SCARA5: variants seen among roughly 807,000 people sequenced by gnomAD.
SCARA5 encodes scavenger receptor class A, member 5 (putative).
In SCARA5, 45 loss-of-function variants were observed where a neutral mutation model predicts 46.3. The ratio of observed to expected loss-of-function variants is 0.97; its 90% CI spans 0.76 to 1.24. The LOEUF (loss-of-function observed/expected upper bound fraction) is 1.24, where lower values mean the gene tolerates loss of function less well. SCARA5 is among the 50% of genes most tolerant of loss of function. The pLI is 0.00. For missense variants in SCARA5, 680 were observed against 689.0 expected (o/e 0.99, Z 0.15); for synonymous variants, 333 against 306.5 (o/e 1.09, Z -0.90).
chr8:27,984,323 C>G (rs67834415), intron 2 of SCARA5, among the ~76,000 whole-genome samples: 27,317 of 152,194 alleles, frequency 0.18, 2,567 homozygotes, highest in East Asian at 0.36. Context: ...CTGGCTTCAT[C>G]TCAACACTCT....
chr8:27,940,392 T>C (rs1170939310), intron 3 of SCARA5, among the ~76,000 whole-genome samples: 1 of 152,178 alleles, frequency 6.6e-6, no homozygotes, highest in East Asian at 1.9e-4. Context: ...AGTAAGATCG[T>C]GGACACTTTG....
chr8:27,905,865 C>A (rs1807254099), intron 6 of SCARA5, among the ~76,000 whole-genome samples: 1 of 152,084 alleles, frequency 6.6e-6, no homozygotes, highest in Non-Finnish European at 1.5e-5. Context: ...TGTGCCCCAA[C>A]ATGCCTGGCT....
intron 6 of SCARA5, 71 bp downstream of exon 6, chr8:27,907,077 C>A: frequency 2.8e-6 from 3 of 1,053,454 alleles, no homozygotes; most frequent in South Asian, 1.5e-5. Flanking sequence ...GAGTCCTGGT[C>A]CCCCATGCCA....
chr8:27,902,779 G>T (rs2726981), intron 7 of SCARA5, among the ~76,000 whole-genome samples: 75,599 of 151,838 alleles, frequency 0.5, 19,440 homozygotes, highest in Middle Eastern at 0.58. Flanking sequence ...CAGCCCTTTA[G>T]ACAAAAGGGA....
intron 3 of SCARA5, among the ~76,000 whole-genome samples, chr8:27,957,770 G>T (rs145656379): frequency 5.3e-5 from 8 of 152,334 alleles, no homozygotes; most frequent in African/African-American, 1.9e-4. Flanking sequence ...ATTGTTGTAA[G>T]AATTAGATGA....
intron 7 of SCARA5, among the ~76,000 whole-genome samples, chr8:27,902,852 A>G (rs1807179850): frequency 6.6e-6 from 1 of 152,032 alleles, no homozygotes; most frequent in Non-Finnish European, 1.5e-5. Flanking sequence ...AGCCCTGGAA[A>G]GGGACTCTAG....
chr8:27,947,813 T>A (rs1808062081), intron 3 of SCARA5, among the ~76,000 whole-genome samples: 1 of 152,004 alleles, frequency 6.6e-6, no homozygotes, highest in Non-Finnish European at 1.5e-5. Context: ...AGGCAGAGGT[T>A]GCAGTGAGCT....
chr8:27,935,194 A>C (rs1023939676), intron 3 of SCARA5, among the ~76,000 whole-genome samples: 1 of 152,196 alleles, frequency 6.6e-6, no homozygotes, highest in African/African-American at 2.4e-5. Context: ...CTATTGTTTT[A>C]AGCTGTCTCA....
chr8:27,899,636 G>T (rs1005428235), intron 7 of SCARA5, among the ~76,000 whole-genome samples: 1 of 152,204 alleles, frequency 6.6e-6, no homozygotes, highest in Non-Finnish European at 1.5e-5. Context: ...GTGCCCAGAG[G>T]CTCAAGCCTA....
chr8:27,967,962 G>A (rs1808395138), intron 2 of SCARA5, among the ~76,000 whole-genome samples: 1 of 152,134 alleles, frequency 6.6e-6, no homozygotes, highest in Non-Finnish European at 1.5e-5. Flanking sequence ...ACTAACTGGA[G>A]TGGGCAGAAA....
intron 4 of SCARA5, among the ~76,000 whole-genome samples, chr8:27,913,622 C>G (rs935826609): frequency 6.6e-6 from 1 of 152,204 alleles, no homozygotes; most frequent in Non-Finnish European, 1.5e-5. Flanking sequence ...CTCGTCAGGT[C>G]CTTATGGCCT....
At chr8:27,931,549 T>C (rs1030322113) in intron 3 of SCARA5, among the ~76,000 whole-genome samples, 4 of 152,218 alleles carry the variant, frequency 2.6e-5, no homozygotes, top group African/African-American at 4.8e-5. Context: ...GTATCTTGAC[T>C]CTGACTCATG....
Position 27,966,536 on chromosome 8 carries a change from C to T in SCARA5, c.119G>A (p.Cys40Tyr), listed in dbSNP as rs755295662. 5 of 1,611,950 alleles carry T rather than the reference C, an allele frequency of 3.1e-6. No homozygotes were observed. The highest frequency in any genetic ancestry group is 4.2e-6 in the Non-Finnish European group (5 of 1,179,328). Residue 40 changes from cysteine to tyrosine, a missense_variant, in exon 3 of 9, where the codon TGT (cysteine) becomes TAT (tyrosine). This residue lies in a region of SCARA5 where 438 missense variants were observed against 384.5 expected (regional missense o/e 1.14). Transcript: ENST00000354914. ...SKLNLCEDGP[C>Y]HKRRASICCT... ...GCAGATGCTTGCCCGCCGTTTGTGA[C>T]ATGGACCTGGACAATAAGGGTAAGA...
chr8:27,877,407 C>G (rs1011951367), intron 8 of SCARA5, among the ~76,000 whole-genome samples: 11 of 152,142 alleles, frequency 7.2e-5, no homozygotes, highest in African/African-American at 2.4e-4. Flanking sequence ...TCAAGAGGAA[C>G]AGATCAGGGG....
At chr8:27,970,344 T>C (rs1204555208) in intron 2 of SCARA5, among the ~76,000 whole-genome samples, 2 of 152,258 alleles carry the variant, frequency 1.3e-5, no homozygotes, top group Middle Eastern at 3.4e-3. Context: ...CAGACCAACC[T>C]GAGGACTAGC....
At chr8:27,937,096 C>G (rs1807869310) in intron 3 of SCARA5, among the ~76,000 whole-genome samples, 1 of 152,230 alleles carries the variant, frequency 6.6e-6, no homozygotes, top group Admixed American at 6.5e-5. Context: ...GCATTCGAGA[C>G]TTGCTCTTTT....
intron 2 of SCARA5, among the ~76,000 whole-genome samples, chr8:27,977,160 GCA>G (rs1269265791): frequency 6.6e-6 from 1 of 152,128 alleles, no homozygotes; most frequent in Non-Finnish European, 1.5e-5. Context: ...TTTTATAAGG[GCA>G]CTTATCCCAC....
intron 3 of SCARA5, among the ~76,000 whole-genome samples, chr8:27,937,162 T>C (rs572500259): frequency 5.2e-4 from 79 of 152,288 alleles, no homozygotes; most frequent in South Asian, 6.2e-4. Flanking sequence ...CAGTAGATAG[T>C]AGTGAAATAC....
At chr8:27,873,057 C>G (rs998484255) in intron 8 of SCARA5, among the ~76,000 whole-genome samples, 4 of 152,196 alleles carry the variant, frequency 2.6e-5, no homozygotes, top group Admixed American at 2.6e-4. Context: ...CCTGTCAGCT[C>G]TAGGTACCAA....
Sources: allele counts gnomAD v4.1 joint callset (sites outside exome capture counted in the v4.1 genomes callset), GRCh38; gene constraint gnomAD v4.1.1; regional missense constraint gnomAD v4.1.1; transcripts MANE v1.5; gene names NCBI Gene and HGNC (gene_info 2026-07-23, HGNC 2026-07-21).